The following CFAP206 variants were observed in gnomAD, a reference collection of about 807,000 sequenced individuals.
CFAP206 encodes the protein cilia- and flagella-associated protein 206.
CFAP206 carries 53 observed loss-of-function variants against 65.4 expected under a neutral mutation model. The ratio of observed to expected loss-of-function variants is 0.81; its 90% CI spans 0.65 to 1.02. CFAP206 has a LOEUF of 1.02. Among genes scored for constraint, CFAP206 ranks in the 50% least tolerant of loss-of-function variants. CFAP206 has a pLI of 0.00. For missense variants in CFAP206, 663 were observed against 753.2 expected (o/e 0.88, Z 1.40); for synonymous variants, 250 against 254.4 (o/e 0.98, Z 0.17).
chr6:87,410,054 T>G, intron 2 of CFAP206, 107 bp downstream of exon 2: 3 of 778,970 alleles, frequency 3.9e-6, no homozygotes, highest in Non-Finnish European at 6.3e-6. Flanking sequence ...TGTTTTTCAG[T>G]TGAAGCATAA....
intron 4 of CFAP206, among the ~76,000 whole-genome samples, chr6:87,414,395 T>C (rs1412221597): frequency 1.3e-5 from 2 of 152,204 alleles, no homozygotes; most frequent in African/African-American, 4.8e-5. Context: ...ACTCCCATGT[T>C]GAAGCAATTC....
intron 7 of CFAP206, among the ~76,000 whole-genome samples, chr6:87,419,555 G>A (rs937522804): frequency 7.2e-5 from 11 of 152,090 alleles, no homozygotes; most frequent in African/African-American, 2.2e-4. Flanking sequence ...ACTTGTCACC[G>A]TTTACTTTTA....
chr6:87,444,698 C>G (rs1044750995), intron 11 of CFAP206: 5 of 351,838 alleles, frequency 1.4e-5, no homozygotes, highest in African/African-American at 8.7e-5. Flanking sequence ...CTTTTCTGAG[C>G]CTTTTTAACT....
intron 10 of CFAP206, among the ~76,000 whole-genome samples, chr6:87,433,888 T>C (rs1234511891): frequency 6.7e-6 from 1 of 150,094 alleles, no homozygotes; most frequent in Non-Finnish European, 1.5e-5. Flanking sequence ...TCACCTGAGG[T>C]CAGGAGTTCA....
chr6:87,464,320 C>T lies in CFAP206; in HGVS notation c.*70C>T, dbSNP rs1768791743. ...TAGCAAGTACTTAAAGGTATATTAA[C>T]ATCTATACAAATTAATTTTGTAGGG... On this transcript the variant is annotated 3_prime_UTR_variant, in exon 13 of 13. Transcript: ENST00000369562. 1.7e-6 allele frequency: 2 copies of T among 1,189,402 alleles called. No individual in the cohort carries two copies. The highest frequency in any genetic ancestry group is 2.3e-6 in the Non-Finnish European group (2 of 864,494). The allele number at this position is 1,189,402 out of a possible 1,614,324, so 73.7% of individuals were successfully genotyped here. A position where few individuals can be genotyped will look rare whatever the true frequency, so the allele number is the denominator to read the frequency against.
At chr6:87,444,809 T>C (rs1011220745) in intron 11 of CFAP206, 6 of 547,048 alleles carry the variant, frequency 1.1e-5, no homozygotes, top group Non-Finnish European at 1.8e-5. Flanking sequence ...AGCATTGTGC[T>C]AGCATCTTTG....
intron 12 of CFAP206, among the ~76,000 whole-genome samples, 173 bp from the exon 13 acceptor site, chr6:87,463,847 T>C (rs1193371801): frequency 6.6e-6 from 1 of 152,222 alleles, no homozygotes; most frequent in Non-Finnish European, 1.5e-5. Context: ...GGATATTTAA[T>C]TTTCTATTAT....
In CFAP206 at chr6:87,408,726, C is replaced by CAT. The variant is rs71018012; in HGVS notation, c.-6+638_-6+639insTA. 7.3e-3 allele frequency: 540 copies of CAT among 74,118 alleles called. 32 individuals carry two copies. Among genetic ancestry groups the CAT allele is most frequent in the African/African-American group, 0.017 (265 of 15,946 alleles). 4.6% of individuals were successfully genotyped at this position (74,118 alleles called of 1,614,324 possible). On this transcript the variant is annotated intron_variant, in intron 1 of 12. Coordinates refer to ENST00000369562, the MANE Select transcript of CFAP206 (RefSeq NM_001031743.3). Reference sequence around the variant, plus strand: ...CGCGCACTGTTGTAACCACTAAAAACAGGACTAATTTAGTCCTCACACCTC... The same window carrying CAT: ...CGCGCACTGTTGTAACCACTAAAAACATAGGACTAATTTAGTCCTCACACCTC...
chr6:87,449,830 A>G (rs1768509667), intron 11 of CFAP206, among the ~76,000 whole-genome samples: 2 of 152,096 alleles, frequency 1.3e-5, no homozygotes, highest in South Asian at 4.1e-4. Context: ...TTAGTTTGAT[A>G]TAATCCCATT....
chr6:87,415,678 A>T lies in CFAP206; in HGVS notation c.284-8A>T. The stretch of plus-strand genomic sequence containing the variant: ...AATATATAGAACATTGTTATTTGGC[A>T]ATTTTAGTGGAATTTCTCGAAGAAC... On this transcript the variant is annotated splice_region_variant and splice_polypyrimidine_tract_variant and intron_variant, in intron 4 of 12. Coordinates refer to ENST00000369562, the MANE Select transcript of CFAP206 (RefSeq NM_001031743.3). 6.3e-7 allele frequency: 1 copy of T among 1,599,554 alleles called. No individual in the cohort carries two copies. Among genetic ancestry groups the T allele is most frequent in the African/African-American group, 1.3e-5 (1 of 74,304 alleles).
intron 4 of CFAP206, among the ~76,000 whole-genome samples, chr6:87,415,215 C>T (rs1416232608): frequency 6.6e-6 from 1 of 151,444 alleles, no homozygotes; most frequent in African/African-American, 2.4e-5. Flanking sequence ...TACACGTAAC[C>T]GAAAGGAACA....
intron 11 of CFAP206, among the ~76,000 whole-genome samples, chr6:87,457,131 CAG>C: frequency 8.8e-6 from 1 of 113,976 alleles, no homozygotes; most frequent in Admixed American, 1.2e-4. Flanking sequence ...GCCTGGGCGA[CAG>C]AGTGAGACAA....
At chr6:87,451,917 G>A (rs1434260409) in intron 11 of CFAP206, among the ~76,000 whole-genome samples, 1 of 151,526 alleles carries the variant, frequency 6.6e-6, no homozygotes, top group African/African-American at 2.4e-5. Flanking sequence ...GGGGAGGCCC[G>A]GTCCTGGCAG....
intron 7 of CFAP206, among the ~76,000 whole-genome samples, chr6:87,425,319 A>T (rs1768021867): frequency 6.6e-6 from 1 of 152,240 alleles, no homozygotes; most frequent in African/African-American, 2.4e-5. Context: ...AAGGATCACA[A>T]ACCAGTTCAC....
At chr6:87,443,155 T>C (rs1768384203) in intron 11 of CFAP206, among the ~76,000 whole-genome samples, 1 of 152,134 alleles carries the variant, frequency 6.6e-6, no homozygotes, top group African/African-American at 2.4e-5. Flanking sequence ...ATTACAGGAA[T>C]TTTTTCCAGG....
At chr6:87,421,417 C>G (rs1036237706) in intron 7 of CFAP206, among the ~76,000 whole-genome samples, 1 of 151,984 alleles carries the variant, frequency 6.6e-6, no homozygotes, top group African/African-American at 2.4e-5. Flanking sequence ...ACCCAGGAGA[C>G]AGAGGTTGCA....
intron 11 of CFAP206, among the ~76,000 whole-genome samples, chr6:87,449,895 T>C (rs2127955944): frequency 6.6e-6 from 1 of 152,354 alleles, no homozygotes; most frequent in East Asian, 1.9e-4. Context: ...AAAAGATCTT[T>C]GCCCAGACCA....
At chr6:87,426,454 A>G in intron 7 of CFAP206, 72 bp from the exon 8 acceptor site, 1 of 1,152,950 alleles carries the variant, frequency 8.7e-7, no homozygotes, top group East Asian at 2.9e-5. Context: ...GGGAGCAGGT[A>G]TGGTCTGAAA....
At chr6:87,452,854 A>T (rs1245128007) in intron 11 of CFAP206, among the ~76,000 whole-genome samples, 1 of 152,140 alleles carries the variant, frequency 6.6e-6, no homozygotes, top group Non-Finnish European at 1.5e-5. Context: ...CCTCAAAAGG[A>T]CAAATCTAAG....
Sources: allele counts gnomAD v4.1 joint callset (sites outside exome capture counted in the v4.1 genomes callset), GRCh38; gene constraint gnomAD v4.1.1; transcripts MANE v1.5; gene names NCBI Gene and HGNC (gene_info 2026-07-23, HGNC 2026-07-21).